The following HIVEP2 variants were observed in gnomAD, a reference collection of about 807,000 sequenced individuals.
The protein encoded by HIVEP2 is HIVEP zinc finger 2.
Under a neutral mutation model 180.7 loss-of-function variants are expected in HIVEP2, and 14 were observed. That is an observed-to-expected ratio of 0.08 (90% CI 0.05 to 0.12). The LOEUF (loss-of-function observed/expected upper bound fraction) is 0.12, where lower values mean the gene tolerates loss of function less well. HIVEP2 is among the 10% of genes least tolerant of loss of function. The probability of loss-of-function intolerance (pLI) is 1.00; values close to 1 mark genes in which losing one functional copy is unlikely to be tolerated. For missense variants in HIVEP2, 2,579 were observed against 3,008.5 expected (o/e 0.86, Z 3.34); for synonymous variants, 1,184 against 1,136.4 (o/e 1.04, Z -0.84).
At chr6:142,823,788 T>C (rs994394401) in intron 2 of HIVEP2, among the ~76,000 whole-genome samples, 2 of 152,216 alleles carry the variant, frequency 1.3e-5, no homozygotes, top group African/African-American at 4.8e-5. Flanking sequence ...GCAACTAAAA[T>C]GGACACTAAA....
chr6:142,808,784 A>G (rs1013200778), intron 2 of HIVEP2, among the ~76,000 whole-genome samples: 4 of 152,052 alleles, frequency 2.6e-5, no homozygotes, highest in African/African-American at 9.6e-5. Context: ...GGATGAATGG[A>G]TGGAGGGAGG....
At chr6:142,758,875 T>C (rs1292630631) in intron 9 of HIVEP2, among the ~76,000 whole-genome samples, 1 of 152,114 alleles carries the variant, frequency 6.6e-6, no homozygotes, top group Admixed American at 6.6e-5. Flanking sequence ...TTGATAGTAG[T>C]AATGGCAAGA....
At chr6:142,918,843 T>A (rs949987040) in intron 1 of HIVEP2, among the ~76,000 whole-genome samples, 1 of 152,202 alleles carries the variant, frequency 6.6e-6, no homozygotes, top group African/African-American at 2.4e-5. Flanking sequence ...AGTGATGTCA[T>A]AAAAGCCATG....
At position 142,883,142 on chromosome 6, in the gene HIVEP2, C is replaced by T. The variant is rs1474771520; in HGVS notation, c.-640-46095G>A. Among the ~76,000 whole-genome samples the T allele has an allele frequency of 8.5e-5, 13 of 152,120 alleles. No homozygotes were observed. In the South Asian group the frequency reaches 2.7e-3, roughly 32 times the overall value. ...CATACACGGATAGCATTCGATATCA[C>T]ACCTTTGGAATTTCACAGTCCTGAA... On this transcript the variant is annotated intron_variant, in intron 1 of 9. Coordinates refer to ENST00000367603, the MANE Select transcript of HIVEP2 (RefSeq NM_006734.4).
intron 1 of HIVEP2, among the ~76,000 whole-genome samples, chr6:142,860,779 A>T (rs537606407): frequency 4.4e-4 from 67 of 152,310 alleles, no homozygotes; most frequent in African/African-American, 1.5e-3. Context: ...CTAACAGCCA[A>T]CAGACCACTA....
At chr6:142,802,560 T>G (rs549411652) in intron 2 of HIVEP2, among the ~76,000 whole-genome samples, 2 of 152,134 alleles carry the variant, frequency 1.3e-5, no homozygotes, top group African/African-American at 4.8e-5. Context: ...ACGTAAATCA[T>G]GTTCACAGCT....
intron 2 of HIVEP2, among the ~76,000 whole-genome samples, chr6:142,832,100 G>A (rs541602569): frequency 6.6e-6 from 1 of 151,426 alleles, no homozygotes; most frequent in South Asian, 2.1e-4. Flanking sequence ...GCTGAGGCAG[G>A]AGAATCGCTT....
chr6:142,818,265 G>C (rs867026986), intron 2 of HIVEP2, among the ~76,000 whole-genome samples: 2 of 152,208 alleles, frequency 1.3e-5, no homozygotes, highest in Middle Eastern at 3.4e-3. Flanking sequence ...TTCTTTAGGT[G>C]GAAAAGTGAA....
At chr6:142,846,616 G>A (rs1229393368) in intron 1 of HIVEP2, among the ~76,000 whole-genome samples, 1 of 152,184 alleles carries the variant, frequency 6.6e-6, no homozygotes, top group African/African-American at 2.4e-5. Flanking sequence ...TCCCATTTTA[G>A]GTACCAAGGA....
chr6:142,753,795 G>C lies in HIVEP2; in HGVS notation c.6653C>G (p.Ser2218Cys). Residue 2218 changes from serine to cysteine, a missense_variant, in exon 10 of 10, where the codon TCT (serine) becomes TGT (cysteine). This residue lies in a region of HIVEP2 where 660 missense variants were observed against 731.7 expected (regional missense o/e 0.90). Coordinates refer to ENST00000367603, the MANE Select transcript of HIVEP2 (RefSeq NM_006734.4). ...DYVFSHLPLH[S>C]QQQVRAPIPM... ...GATAGGGGCTCGCACTTGTTGCTGA[G>C]AGTGGAGTGGAAGATGACTGAAGAC... 6.2e-7 allele frequency: 1 copy of C among 1,614,174 alleles called. No individual in the cohort carries two copies. Among genetic ancestry groups the C allele is most frequent in the Non-Finnish European group, 8.5e-7 (1 of 1,180,004 alleles).
In HIVEP2 at chr6:142,943,943, C is replaced by G. The variant is rs772433365; in HGVS notation, c.-641+1156G>C. On this transcript the variant is annotated intron_variant, in intron 1 of 9. Coordinates refer to ENST00000367603, the MANE Select transcript of HIVEP2 (RefSeq NM_006734.4). The surrounding 1 kb of genome is among the most constrained non-coding windows in gnomAD (Gnocchi z 4.5). ...CCGCCGCCCACACATTATTGCTTCT[C>G]TCCTCCAAGTGTCTTGATTAAGGAC... 6.6e-6 allele frequency among the ~76,000 whole-genome samples: 1 copy of G among 152,200 alleles called. No homozygotes were observed. Among genetic ancestry groups the G allele is most frequent in the Non-Finnish European group, 1.5e-5 (1 of 68,028 alleles).
At chr6:142,807,229 T>G (rs1776576384) in intron 2 of HIVEP2, among the ~76,000 whole-genome samples, 1 of 152,160 alleles carries the variant, frequency 6.6e-6, no homozygotes. Flanking sequence ...ACCTAGGAAC[T>G]GTAAGACTGG....
intron 9 of HIVEP2, among the ~76,000 whole-genome samples, chr6:142,756,444 G>T (rs967966172): frequency 6.6e-6 from 1 of 152,054 alleles, no homozygotes; most frequent in Non-Finnish European, 1.5e-5. Flanking sequence ...GTTCTTTCAG[G>T]AACAAAAATC....
chr6:142,806,882 G>C (rs1776567930), intron 2 of HIVEP2, among the ~76,000 whole-genome samples: 1 of 152,106 alleles, frequency 6.6e-6, no homozygotes. Flanking sequence ...AACTGTCCAG[G>C]ATCCACGGTC....
intron 1 of HIVEP2, among the ~76,000 whole-genome samples, chr6:142,862,270 C>T (rs1412216527): frequency 6.6e-6 from 1 of 151,864 alleles, no homozygotes; most frequent in African/African-American, 2.4e-5. Flanking sequence ...GACAATTTCT[C>T]CCAATTTCTC....
intron 2 of HIVEP2, among the ~76,000 whole-genome samples, chr6:142,795,682 T>C (rs530685486): frequency 3.3e-5 from 5 of 152,312 alleles, no homozygotes; most frequent in Admixed American, 6.5e-5. Flanking sequence ...GAAAATGTTT[T>C]AGTAATGTCT....
intron 1 of HIVEP2, among the ~76,000 whole-genome samples, chr6:142,936,201 CT>C (rs981321580): frequency 1.3e-5 from 2 of 149,972 alleles, no homozygotes; most frequent in Admixed American, 6.7e-5. Flanking sequence ...CTCTCTCTCT[CT>C]TTTTTTTTGA....
intron 7 of HIVEP2, among the ~76,000 whole-genome samples, chr6:142,762,100 C>T (rs938510071): frequency 2.0e-5 from 3 of 152,152 alleles, no homozygotes; most frequent in Non-Finnish European, 2.9e-5. Context: ...CCAACCTTGT[C>T]AGTGCTCTGA....
intron 1 of HIVEP2, among the ~76,000 whole-genome samples, chr6:142,857,170 C>T (rs982917910): frequency 4.7e-5 from 7 of 149,886 alleles, no homozygotes; most frequent in Admixed American, 2.7e-4. Context: ...AAGGTAGAAA[C>T]ATCTAAAACG....
Sources: allele counts gnomAD v4.1 joint callset (sites outside exome capture counted in the v4.1 genomes callset), GRCh38; gene constraint gnomAD v4.1.1; regional missense constraint gnomAD v4.1.1; non-coding constraint Gnocchi (gnomAD v3.1); transcripts MANE v1.5; gene names NCBI Gene and HGNC (gene_info 2026-07-23, HGNC 2026-07-21).